Variants in CFAP206 observed in about 807,000 individuals in gnomAD.
CFAP206 encodes the protein cilia- and flagella-associated protein 206.
In CFAP206, 53 loss-of-function variants were observed where a neutral mutation model predicts 65.4. The ratio of observed to expected loss-of-function variants is 0.81; its 90% CI spans 0.65 to 1.02. The LOEUF is 1.02. CFAP206 is among the 50% of genes least tolerant of loss of function. CFAP206 has a pLI of 0.00. For missense variants in CFAP206, 663 were observed against 753.2 expected (o/e 0.88, Z 1.40); for synonymous variants, 250 against 254.4 (o/e 0.98, Z 0.17).
intron 11 of CFAP206, among the ~76,000 whole-genome samples, chr6:87,439,599 T>C (rs941776363): frequency 6.6e-6 from 1 of 152,140 alleles, no homozygotes; most frequent in African/African-American, 2.4e-5. Flanking sequence ...TCTTCATGTC[T>C]TGTTTAAGAA....
intron 11 of CFAP206, among the ~76,000 whole-genome samples, chr6:87,448,418 A>C (rs2127955640): frequency 6.6e-6 from 1 of 152,310 alleles, no homozygotes; most frequent in South Asian, 2.1e-4. Flanking sequence ...TACATGTAAT[A>C]TTTTGATACA....
chr6:87,464,282 C>T lies in CFAP206; in HGVS notation c.*32C>T. On this transcript the variant is annotated 3_prime_UTR_variant, in exon 13 of 13. Coordinates refer to ENST00000369562, the MANE Select transcript of CFAP206 (RefSeq NM_001031743.3). ...ACAACGTTTTAAAATAGATGCTACT[C>T]AATTATGAACAATAGCAAGTACTTA... is the stretch of plus-strand genomic sequence containing the variant. 3 of 1,518,698 alleles carry T rather than the reference C, an allele frequency of 2.0e-6. No homozygotes were observed. In the South Asian group the frequency reaches 3.5e-5, roughly 18 times the overall value. 94.1% of individuals were successfully genotyped at this position (1,518,698 alleles called of 1,614,324 possible). A position where few individuals can be genotyped will look rare whatever the true frequency, so the allele number is the denominator to read the frequency against.
chr6:87,434,498 TTTTC>T (rs1477741699), intron 10 of CFAP206, among the ~76,000 whole-genome samples: 2 of 123,946 alleles, frequency 1.6e-5, no homozygotes, highest in African/African-American at 2.9e-5. Flanking sequence ...TTCTTTTTCT[TTTTC>T]TTTTTTTTTT....
intron 5 of CFAP206, 43 bp downstream of exon 5, chr6:87,415,917 T>C (rs1767822814): frequency 7.5e-7 from 1 of 1,327,242 alleles, no homozygotes; most frequent in South Asian, 1.9e-5. Flanking sequence ...TGAAAATATA[T>C]GGTCATTGTA....
intron 7 of CFAP206, among the ~76,000 whole-genome samples, chr6:87,422,450 C>A (rs1244172036): frequency 4.5e-5 from 4 of 88,672 alleles, no homozygotes; most frequent in Non-Finnish European, 2.1e-5. Flanking sequence ...AACTCCATCT[C>A]GAAAAAAAAA....
At position 87,428,571 on chromosome 6, in the gene CFAP206, G is replaced by A. The variant is rs1003431054; in HGVS notation, c.961-55G>A. ...TTGTATTTATCTTAAAGAGTACAGT[G>A]ATTTATAATTTTATTACACAGTTGC... On this transcript the variant is annotated intron_variant, in intron 8 of 12. Coordinates refer to ENST00000369562, the MANE Select transcript of CFAP206 (RefSeq NM_001031743.3). 2.7e-6 allele frequency: 4 copies of A among 1,470,396 alleles called. No individual in the cohort carries two copies. The Admixed American group carries it at 6.7e-5, about 25-fold the overall frequency. 91.1% of individuals were successfully genotyped at this position (1,470,396 alleles called of 1,614,324 possible).
intron 11 of CFAP206, among the ~76,000 whole-genome samples, chr6:87,454,945 T>C (rs1219542774): frequency 2.6e-5 from 4 of 151,874 alleles, no homozygotes; most frequent in Admixed American, 1.3e-4. Flanking sequence ...ATTTTTTTTA[T>C]GGAGTCTCCC....
intron 8 of CFAP206, among the ~76,000 whole-genome samples, chr6:87,427,206 C>T (rs554847708): frequency 6.6e-6 from 1 of 152,300 alleles, no homozygotes; most frequent in African/African-American, 2.4e-5. Context: ...GGTGCAATCT[C>T]GGCTCACTGC....
chr6:87,450,620 A>T (rs1324539367), intron 11 of CFAP206, among the ~76,000 whole-genome samples: 1 of 151,430 alleles, frequency 6.6e-6, no homozygotes, highest in Non-Finnish European at 1.5e-5. Flanking sequence ...CACCAGATTG[A>T]GAGGCAGAGC....
intron 8 of CFAP206, 103 bp downstream of exon 8, chr6:87,426,748 A>G (rs1768050320): frequency 1.1e-6 from 1 of 931,040 alleles, no homozygotes; most frequent in Admixed American, 3.8e-5. Flanking sequence ...CTAAAAATAT[A>G]ATGTTTTGTA....
chr6:87,424,355 C>G (rs937778733), intron 7 of CFAP206, among the ~76,000 whole-genome samples: 4 of 152,184 alleles, frequency 2.6e-5, no homozygotes, highest in Admixed American at 6.5e-5. Flanking sequence ...TCTTGGCTCA[C>G]TGCAACCTCC....
In CFAP206 at chr6:87,426,516, G is replaced by T. The variant is rs1378346566; in HGVS notation, c.841-10G>T. 6.4e-7 allele frequency: 1 copy of T among 1,554,820 alleles called. No homozygotes were observed. Among genetic ancestry groups the T allele is most frequent in the Non-Finnish European group, 8.7e-7 (1 of 1,151,546 alleles). On this transcript the variant is annotated splice_polypyrimidine_tract_variant and intron_variant, in intron 7 of 12. Coordinates refer to ENST00000369562, the MANE Select transcript of CFAP206 (RefSeq NM_001031743.3). ...TAAAAATATTAATGCAAATTATGTTGTTTTCACAGTCAGATATAATTACTG... is the reference window on the plus strand; with the variant it reads ...TAAAAATATTAATGCAAATTATGTTTTTTTCACAGTCAGATATAATTACTG...
intron 7 of CFAP206, among the ~76,000 whole-genome samples, chr6:87,425,235 A>T (rs1768018636): frequency 6.6e-6 from 1 of 152,198 alleles, no homozygotes. Flanking sequence ...AGAAAAGAAT[A>T]TTAAGACAAA....
At position 87,413,828 on chromosome 6, in the gene CFAP206, T is replaced by C. The variant is rs1305853336; in HGVS notation, c.211T>C (p.Leu71=). Residue 71 remains leucine, a synonymous_variant, in exon 4 of 13, where the codon TTG becomes CTG. Coordinates refer to ENST00000369562, the MANE Select transcript of CFAP206 (RefSeq NM_001031743.3). ...TTTCTAGCTTTGTATGACTCGGCTA[T>C]TGGATACTAAAAATCCATCCCTGGA... ...NLVKLCMTRL[L]DTKNPSLDTI... 1.3e-6 allele frequency: 2 copies of C among 1,568,554 alleles called. No individual in the cohort carries two copies. The highest frequency in any genetic ancestry group is 2.8e-5 in the African/African-American group (2 of 72,186).
At chr6:87,431,252 T>C in intron 10 of CFAP206, 79 bp downstream of exon 10, 3 of 1,353,450 alleles carry the variant, frequency 2.2e-6, no homozygotes, top group Admixed American at 2.1e-5. Context: ...CACTTGAATA[T>C]TCACTTTAAA....
chr6:87,414,773 G>T (rs66786089), intron 4 of CFAP206, among the ~76,000 whole-genome samples: 5,540 of 152,142 alleles, frequency 0.036, 123 homozygotes, highest in Middle Eastern at 0.078. Flanking sequence ...ATTTGGTGAT[G>T]TTTCTCTTTG....
In CFAP206 at chr6:87,464,266, T is replaced by TA. The variant is rs1473257346; in HGVS notation, c.*20dup. 1 of 1,587,690 alleles carries TA rather than the reference T, an allele frequency of 6.3e-7. No homozygotes were observed. Among genetic ancestry groups the TA allele is most frequent in the African/African-American group, 1.3e-5 (1 of 74,446 alleles). On this transcript the variant is annotated 3_prime_UTR_variant, in exon 13 of 13. Transcript: ENST00000369562. ...TGAAACCTAATTACAGACAACGTTTTAAAATAGATGCTACTCAATTATGAA... is the reference window on the plus strand; with the variant it reads ...TGAAACCTAATTACAGACAACGTTTTAAAAATAGATGCTACTCAATTATGAA...
chr6:87,409,250 C>G (rs1005118863), intron 1 of CFAP206, among the ~76,000 whole-genome samples: 1 of 144,730 alleles, frequency 6.9e-6, no homozygotes, highest in African/African-American at 2.6e-5. Flanking sequence ...TCCTGAGACA[C>G]AGTTTCGCTC....
chr6:87,429,473 G>T (rs915461962), intron 9 of CFAP206, among the ~76,000 whole-genome samples: 3 of 152,082 alleles, frequency 2.0e-5, no homozygotes, highest in African/African-American at 7.2e-5. Flanking sequence ...CATTTCTTTA[G>T]AATGTTATTT....
Sources: gnomAD v4.1 joint callset for allele counts (sites outside exome capture counted in the v4.1 genomes callset) on GRCh38, gnomAD v4.1.1 for gene constraint, MANE v1.5 for transcripts, NCBI Gene and HGNC (gene_info 2026-07-23, HGNC 2026-07-21) for gene names.